MACROD2: variants seen among roughly 807,000 people sequenced by gnomAD.
The protein encoded by MACROD2 is ADP-ribose glycohydrolase MACROD2.
A neutral mutation model predicts 70.4 loss-of-function variants in MACROD2; 36 were observed. The observed-to-expected ratio is 0.51, with a 90% CI of 0.39 to 0.68. The LOEUF is 0.68. Ranked by LOEUF, MACROD2 falls within the 30% of genes least tolerant of loss-of-function variation. The probability of loss-of-function intolerance (pLI) is 0.00; values close to 1 mark genes in which losing one functional copy is unlikely to be tolerated. For synonymous variants in MACROD2, 172 were observed against 178.8 expected (o/e 0.96, Z 0.30); for missense variants, 496 against 538.4 (o/e 0.92, Z 0.78).
At chr20:14,307,123 A>G (rs2082527908) in intron 3 of MACROD2, among the ~76,000 whole-genome samples, 1 of 152,098 alleles carries the variant, frequency 6.6e-6, no homozygotes, top group South Asian at 2.1e-4. Flanking sequence ...GTTATGGATG[A>G]CTTACTGATA....
intron 3 of MACROD2, among the ~76,000 whole-genome samples, chr20:14,351,678 G>A (rs750496098): frequency 3.9e-5 from 6 of 152,144 alleles, no homozygotes; most frequent in Non-Finnish European, 2.9e-5. Context: ...CATATCATCT[G>A]CAAATAAGGA....
At chr20:15,750,191 G>T (rs990514483) in intron 8 of MACROD2, among the ~76,000 whole-genome samples, 1 of 152,020 alleles carries the variant, frequency 6.6e-6, no homozygotes, top group South Asian at 2.1e-4. Context: ...GGCAAAAGAC[G>T]TTAATAGACA....
At position 16,052,780 on chromosome 20, in the gene MACROD2, G is replaced by A. The variant is rs949746119; in HGVS notation, c.*2904G>A. On this transcript the variant is annotated 3_prime_UTR_variant, in exon 18 of 18. Coordinates refer to ENST00000684519, the MANE Select transcript of MACROD2 (RefSeq NM_001351661.2). ...GAAAAGACATTTCTCTGTATGTGGCGCATGTCGGCTTTGCTTTGAAAAATA... is the reference window on the plus strand; with the variant it reads ...GAAAAGACATTTCTCTGTATGTGGCACATGTCGGCTTTGCTTTGAAAAATA... 1 of 152,528 alleles carries A rather than the reference G, an allele frequency of 6.6e-6. No homozygotes were observed. The highest frequency in any genetic ancestry group is 2.4e-5 in the African/African-American group (1 of 41,410). The allele number at this position is 152,528 out of a possible 1,614,324, so 9.4% of individuals were successfully genotyped here.
chr20:13,999,128 C>A (rs1030560456), intron 1 of MACROD2, among the ~76,000 whole-genome samples: 2 of 152,006 alleles, frequency 1.3e-5, no homozygotes, highest in African/African-American at 2.4e-5. Flanking sequence ...TTCTGCTGTG[C>A]TCTTTATCCC....
At chr20:14,109,656 G>T (rs1243335430) in intron 3 of MACROD2, among the ~76,000 whole-genome samples, 1 of 151,752 alleles carries the variant, frequency 6.6e-6, no homozygotes, top group Non-Finnish European at 1.5e-5. Flanking sequence ...GTTGGAAATG[G>T]ATATATTCAT....
chr20:14,394,267 T>G (rs2122812933), intron 3 of MACROD2, among the ~76,000 whole-genome samples: 1 of 152,294 alleles, frequency 6.6e-6, no homozygotes. Flanking sequence ...CTCCATATAT[T>G]TAGATCTTCT....
At chr20:14,863,267 C>T (rs1009594899) in intron 5 of MACROD2, among the ~76,000 whole-genome samples, 4 of 152,072 alleles carry the variant, frequency 2.6e-5, no homozygotes, top group Non-Finnish European at 4.4e-5. Context: ...ATTGCACAGG[C>T]AGCGCTTATA....
intron 8 of MACROD2, among the ~76,000 whole-genome samples, chr20:15,612,753 G>A (rs16996132): frequency 0.027 from 4,060 of 152,308 alleles, 170 homozygotes; most frequent in African/African-American, 0.092. Context: ...GTGCCTCTGG[G>A]CAGAAAGGAA....
At chr20:14,862,200 T>C (rs2073344207) in intron 5 of MACROD2, among the ~76,000 whole-genome samples, 2 of 14,994 alleles carry the variant, frequency 1.3e-4, no homozygotes, top group East Asian at 2.5e-3. Flanking sequence ...TATACATAAA[T>C]ATATAAATAT....
At position 14,041,771 on chromosome 20, in the gene MACROD2, G is replaced by C. The variant is rs528724398; in HGVS notation, c.163+39367G>C. ...GAAATGGCTCTGTGAGCAGTATCAA[G>C]GTAATTAGAAGACTCTGGAATTGAT... On this transcript the variant is annotated intron_variant, in intron 2 of 17. Transcript: ENST00000684519. 6.6e-5 allele frequency among the ~76,000 whole-genome samples: 10 copies of C among 152,268 alleles called. No individual in the cohort carries two copies. The East Asian group carries it at 9.6e-4, about 15-fold the overall frequency.
chr20:15,551,306 CCTTA>C (rs1489805028), intron 8 of MACROD2, among the ~76,000 whole-genome samples: 2 of 151,034 alleles, frequency 1.3e-5, no homozygotes, highest in Non-Finnish European at 2.9e-5. Flanking sequence ...AGTTCTTCTT[CCTTA>C]CTATCTGTTA....
intron 3 of MACROD2, among the ~76,000 whole-genome samples, chr20:14,441,516 C>T (rs889467155): frequency 7.9e-5 from 12 of 152,156 alleles, no homozygotes; most frequent in African/African-American, 2.9e-4. Flanking sequence ...AGGTAATTCT[C>T]GGTCTAGAAG....
intron 12 of MACROD2, among the ~76,000 whole-genome samples, chr20:15,941,708 A>G (rs185594285): frequency 6.6e-6 from 1 of 152,274 alleles, no homozygotes; most frequent in Admixed American, 6.5e-5. Flanking sequence ...GTGGCAGAAC[A>G]TTTTTGCTGA....
chr20:14,784,672 G>GGC (rs1555829937), intron 5 of MACROD2, among the ~76,000 whole-genome samples: 2 of 119,632 alleles, frequency 1.7e-5, no homozygotes, highest in African/African-American at 7.3e-5. Context: ...TTTAAGTGGG[G>GGC]GGGGGGGGGC....
intron 8 of MACROD2, among the ~76,000 whole-genome samples, chr20:15,832,946 T>C (rs889948841): frequency 6.6e-6 from 1 of 152,216 alleles, no homozygotes. Context: ...TTGTGAGCCT[T>C]TCCCCTTCTC....
chr20:14,721,254 CAAA>C (rs200181158), intron 5 of MACROD2, among the ~76,000 whole-genome samples: 5 of 90,272 alleles, frequency 5.5e-5, no homozygotes, highest in Admixed American at 1.3e-4. Flanking sequence ...GACCCCATCT[CAAA>C]AAAAAAAAAA....
At chr20:14,005,218 T>C (rs1017333098) in intron 2 of MACROD2, among the ~76,000 whole-genome samples, 3 of 152,066 alleles carry the variant, frequency 2.0e-5, no homozygotes, top group African/African-American at 7.2e-5. Context: ...TTTGGTAATA[T>C]TGGAAAGCCA....
At chr20:15,857,297 A>G (rs752457396) in intron 8 of MACROD2, among the ~76,000 whole-genome samples, 23 of 152,210 alleles carry the variant, frequency 1.5e-4, no homozygotes, top group Non-Finnish European at 3.1e-4. Context: ...ATGATAAAAG[A>G]GGAAGTAGGA....
chr20:14,001,649 CA>C (rs1235429969), intron 1 of MACROD2, among the ~76,000 whole-genome samples: 7 of 152,010 alleles, frequency 4.6e-5, no homozygotes, highest in Non-Finnish European at 1.0e-4. Context: ...GCAGGCAACA[CA>C]AGGATAGCAT....
Sources: allele counts gnomAD v4.1 joint callset (sites outside exome capture counted in the v4.1 genomes callset), GRCh38; gene constraint gnomAD v4.1.1; transcripts MANE v1.5; gene names NCBI Gene and HGNC (gene_info 2026-07-23, HGNC 2026-07-21).